CFAP53: variants seen among roughly 807,000 people sequenced by gnomAD.
CFAP53 encodes the protein cilia- and flagella-associated protein 53.
Under a neutral mutation model 59.7 loss-of-function variants are expected in CFAP53, and 62 were observed. The observed-to-expected ratio is 1.04, with a 90% CI of 0.85 to 1.28. The LOEUF is 1.28. Among genes scored for constraint, CFAP53 ranks in the 50% most tolerant of loss-of-function variants. CFAP53 has a pLI of 0.00. For synonymous variants in CFAP53, 218 were observed against 205.7 expected (o/e 1.06, Z -0.51); for missense variants, 629 against 615.6 (o/e 1.02, Z -0.23).
intron 3 of CFAP53, among the ~76,000 whole-genome samples, chr18:50,258,236 G>A (rs1299887070): frequency 6.6e-6 from 1 of 152,022 alleles, no homozygotes; most frequent in Non-Finnish European, 1.5e-5. Context: ...AAACAGCATG[G>A]TACTGGCATA....
intron 5 of CFAP53, among the ~76,000 whole-genome samples, chr18:50,243,813 G>A (rs1167980247): frequency 1.3e-5 from 2 of 152,090 alleles, no homozygotes; most frequent in Non-Finnish European, 2.9e-5. Context: ...TTAGCTGGAC[G>A]TGGTGGTGGG....
chr18:50,227,904 C>T (rs2033541192), intron 7 of CFAP53, among the ~76,000 whole-genome samples: 1 of 147,882 alleles, frequency 6.8e-6, no homozygotes, highest in Admixed American at 6.8e-5. Flanking sequence ...TTACTCTTCT[C>T]TATGGGTAAA....
At chr18:50,231,143 T>C (rs934077224) in intron 7 of CFAP53, among the ~76,000 whole-genome samples, 7 of 152,326 alleles carry the variant, frequency 4.6e-5, no homozygotes, top group African/African-American at 1.7e-4. Context: ...GAATGCAAGT[T>C]AGCTCCCTGC....
chr18:50,259,151 C>T (rs528407950), intron 3 of CFAP53, among the ~76,000 whole-genome samples: 1 of 152,294 alleles, frequency 6.6e-6, no homozygotes, highest in South Asian at 2.1e-4. Context: ...AGCTAAACTC[C>T]TATGTTTGTT....
intron 7 of CFAP53, among the ~76,000 whole-genome samples, chr18:50,229,104 C>CAA (rs1246365761): frequency 6.6e-6 from 1 of 151,818 alleles, no homozygotes; most frequent in East Asian, 1.9e-4. Context: ...AAAACAAAAA[C>CAA]AAACAAACAA....
At chr18:50,261,893 G>GC (rs2033896921) in intron 2 of CFAP53, 97 bp downstream of exon 2, 1 of 872,832 alleles carries the variant, frequency 1.1e-6, no homozygotes, top group African/African-American at 1.7e-5. Context: ...AAACATCTCA[G>GC]CCATGATCCT....
At chr18:50,251,044 T>C in intron 4 of CFAP53, 68 bp from the exon 5 acceptor site, 1 of 1,287,204 alleles carries the variant, frequency 7.8e-7, no homozygotes, top group East Asian at 2.3e-5. Flanking sequence ...TGCATTTGAC[T>C]TCAGAGATGG....
intron 3 of CFAP53, 51 bp from the exon 4 acceptor site, chr18:50,251,835 C>G (rs771904814): frequency 6.8e-7 from 1 of 1,473,478 alleles, no homozygotes; most frequent in Non-Finnish European, 9.4e-7. Context: ...TGAGGCACTG[C>G]TCTATTGAGG....
intron 3 of CFAP53, among the ~76,000 whole-genome samples, chr18:50,260,167 A>T (rs966459218): frequency 2.0e-5 from 3 of 152,220 alleles, no homozygotes; most frequent in African/African-American, 7.2e-5. Flanking sequence ...GCACAGACTC[A>T]GAGTATCCTA....
chr18:50,232,998 T>C (rs111941043), intron 7 of CFAP53, among the ~76,000 whole-genome samples: 47 of 152,330 alleles, frequency 3.1e-4, no homozygotes, highest in African/African-American at 1.1e-3. Flanking sequence ...TTACATATTA[T>C]GGTACATTTT....
chr18:50,227,330 G>T lies in CFAP53; in HGVS notation c.*51C>A. 7.1e-7 allele frequency: 1 copy of T among 1,417,080 alleles called. No individual in the cohort carries two copies. Among genetic ancestry groups the T allele is most frequent in the South Asian group, 1.2e-5 (1 of 84,562 alleles). 87.8% of individuals were successfully genotyped at this position (1,417,080 alleles called of 1,614,324 possible). ...GTTAAAAGAAGCATACAAGCATACT[G>T]TAGTTAAAAATATTAAAAGACCAAG... On this transcript the variant is annotated 3_prime_UTR_variant, in exon 8 of 8. Transcript: ENST00000398545.
chr18:50,263,919 G>A (rs1451889197), intron 1 of CFAP53, among the ~76,000 whole-genome samples: 1 of 152,192 alleles, frequency 6.6e-6, no homozygotes, highest in Non-Finnish European at 1.5e-5. Flanking sequence ...CTCTTGATAA[G>A]TTAGGGGTAT....
rs377709493 is a variant in CFAP53 at position 50,238,676 on chromosome 18, G to T, written c.1243C>A (p.Arg415Ser). The change falls in exon 7 of 8, where the codon CGT becomes AGT. Residue 415 changes from arginine (R) to serine (S), a missense_variant. Arg to Ser is a moderately radical substitution (Grantham distance 110, BLOSUM62 -1). Transcript: ENST00000398545. ...TTTATGTGTTTCTGTTCCATAGCAC[G>T]TTCTTCCTGTTCTTTAGCTTCTCGT... ...LQREAKEQEE[R>S]AMEQKHINES... 2.0e-4 allele frequency: 320 copies of T among 1,610,594 alleles called. 2 individuals are homozygous for T. Among genetic ancestry groups the T allele is most frequent in the Middle Eastern group, 1.7e-3 (10 of 6,052 alleles).
intron 6 of CFAP53, among the ~76,000 whole-genome samples, chr18:50,242,267 G>A (rs985854521): frequency 2.0e-5 from 3 of 152,120 alleles, no homozygotes; most frequent in Non-Finnish European, 2.9e-5. Context: ...TCATCACAGG[G>A]TCCTGAGGTG....
At chr18:50,245,330 C>T (rs1280012927) in intron 5 of CFAP53, among the ~76,000 whole-genome samples, 6 of 146,774 alleles carry the variant, frequency 4.1e-5, no homozygotes, top group Non-Finnish European at 4.5e-5. Flanking sequence ...TGCAGTGAGC[C>T]GAGATTGCAC....
intron 7 of CFAP53, among the ~76,000 whole-genome samples, chr18:50,235,155 C>G (rs1439270965): frequency 6.6e-6 from 1 of 152,156 alleles, no homozygotes; most frequent in Non-Finnish European, 1.5e-5. Flanking sequence ...AAGAAGACAT[C>G]AAAGTATTAG....
At chr18:50,255,635 T>C (rs962537137) in intron 3 of CFAP53, among the ~76,000 whole-genome samples, 1 of 152,108 alleles carries the variant, frequency 6.6e-6, no homozygotes, top group South Asian at 2.1e-4. Flanking sequence ...TTCATTATTA[T>C]TGCTGAAAAT....
chr18:50,227,397 C>T lies in CFAP53; in HGVS notation c.1529G>A (p.Ser510Asn), dbSNP rs775932569. The T allele has an allele frequency of 1.9e-6, 3 of 1,612,604 alleles. No homozygotes were observed. Among genetic ancestry groups the T allele is most frequent in the Admixed American group, 3.3e-5 (2 of 59,974 alleles). The change falls in exon 8 of 8, where the codon AGT (serine) becomes AAT (asparagine). Residue 510 changes from serine (S) to asparagine (N), a missense_variant. Ser to Asn is a conservative substitution (Grantham distance 46). Transcript: ENST00000398545. The part of the protein sequence containing the change: ...NIHPMRKACP[S>N]KLPP Reference sequence around the variant, plus strand: ...CTCACGGAACTACGGTGGAAGCTTACTGGGGCATGCCTTGCGCATGGGATG... The same window carrying T: ...CTCACGGAACTACGGTGGAAGCTTATTGGGGCATGCCTTGCGCATGGGATG...
Position 50,262,069 on chromosome 18 carries a change from T to C in CFAP53, c.220A>G (p.Ile74Val). ...CTTGCTCGCACAAGGCTGTCCAAAA[T>C]CTTGCAGTCATTGTGCTGGTCCCAC... is the stretch of plus-strand genomic sequence containing the variant. ...AEWDQHNDCK[I>V]LDSLVRARIK... Residue 74 changes from isoleucine to valine, a missense_variant, in exon 2 of 8, where the codon ATT becomes GTT. Coordinates refer to ENST00000398545, the MANE Select transcript of CFAP53 (RefSeq NM_145020.5). 6.2e-7 allele frequency: 1 copy of C among 1,614,224 alleles called. No individual in the cohort carries two copies.
Sources: allele counts gnomAD v4.1 joint callset (sites outside exome capture counted in the v4.1 genomes callset), GRCh38; gene constraint gnomAD v4.1.1; transcripts MANE v1.5; gene names NCBI Gene and HGNC (gene_info 2026-07-23, HGNC 2026-07-21).